Variants in PNPLA7 observed in about 807,000 individuals in gnomAD.
PNPLA7 encodes the protein patatin like domain 7, lysophospholipase.
PNPLA7 carries 153 observed loss-of-function variants against 161.7 expected under a neutral mutation model. The observed-to-expected ratio is 0.95, with a 90% CI of 0.83 to 1.08. The LOEUF (loss-of-function observed/expected upper bound fraction) is 1.08. Among genes scored for constraint, PNPLA7 ranks in the 50% least tolerant of loss-of-function variants. The pLI is 0.00. For synonymous variants in PNPLA7, 809 were observed against 782.1 expected, an observed-to-expected ratio of 1.03 and a Z score of -0.57; for missense variants, 1,739 against 1,856.6, an observed-to-expected ratio of 0.94 and a Z score of 1.16.
At chr9:137,536,646 G>C (rs1835905805) in intron 8 of PNPLA7, among the ~76,000 whole-genome samples, 1 of 152,210 alleles carries the variant, frequency 6.6e-6, no homozygotes, top group African/African-American at 2.4e-5. Flanking sequence ...TTTAACTATA[G>C]TACACTACAT....
chr9:137,471,135 A>C (rs149545583), intron 25 of PNPLA7, among the ~76,000 whole-genome samples: 1 of 152,380 alleles, frequency 6.6e-6, no homozygotes, highest in Non-Finnish European at 1.5e-5. Flanking sequence ...AAGAGAAAAT[A>C]CTGTTTTAAT....
Position 137,480,410 on chromosome 9 carries a change from C to T in PNPLA7, c.2482G>A (p.Ala828Thr). 1 of 1,613,524 alleles carries T rather than the reference C, an allele frequency of 6.2e-7. No homozygotes were observed. The highest frequency in any genetic ancestry group is 1.1e-5 in the South Asian group (1 of 91,068). Reference protein sequence around the residue: ...EDTHRIVLYQADGTLTPWTQR... With the variant: ...EDTHRIVLYQTDGTLTPWTQR... ...GTCCAGGGTGTGAGCGTGCCATCTGCCTGGTAGAGCACGATCCTGTGGGTG... is the reference window on the plus strand; with the variant it reads ...GTCCAGGGTGTGAGCGTGCCATCTGTCTGGTAGAGCACGATCCTGTGGGTG... Residue 828 changes from alanine (A) to threonine (T), a missense_variant, in exon 23 of 35, where the codon GCA (alanine) becomes ACA (threonine). Physicochemically the swap from Ala to Thr is moderately conservative, Grantham distance 58 (BLOSUM62 0). Coordinates refer to ENST00000406427, the MANE Select transcript of PNPLA7 (RefSeq NM_001098537.3).
At chr9:137,466,604 G>A (rs1165464951) in intron 26 of PNPLA7, among the ~76,000 whole-genome samples, 1 of 148,334 alleles carries the variant, frequency 6.7e-6, no homozygotes, top group African/African-American at 2.5e-5. Flanking sequence ...CACCAACTCA[G>A]ACCTGGGCAC....
intron 8 of PNPLA7, among the ~76,000 whole-genome samples, chr9:137,534,998 A>C (rs1835810086): frequency 6.6e-6 from 1 of 152,200 alleles, no homozygotes; most frequent in Admixed American, 6.5e-5. Context: ...TTTGTAAAGG[A>C]AGTTTTTTTT....
intron 12 of PNPLA7, chr9:137,509,387 ATGAGTGAGTTTAGCCGGCG>A (rs1177941115): frequency 1.6e-5 from 3 of 188,304 alleles, no homozygotes; most frequent in Non-Finnish European, 2.3e-5. Context: ...TTTAGCCGGT[ATGAGTGAGTTTAGCCGGCG>A]TGAGTGAGTT....
At chr9:137,463,133 T>C (rs1203580904) in intron 29 of PNPLA7, 10 of 586,812 alleles carry the variant, frequency 1.7e-5, no homozygotes, top group Non-Finnish European at 2.1e-5. Context: ...TGGGGCTTAA[T>C]TGCTCCCAGT....
At chr9:137,515,574 G>T in intron 11 of PNPLA7, 55 bp from the exon 12 acceptor site, 2 of 1,472,680 alleles carry the variant, frequency 1.4e-6, no homozygotes, top group South Asian at 2.8e-5. Flanking sequence ...CTGGTGTCTG[G>T]TGCAGCCCAT....
In PNPLA7 at chr9:137,523,723, T is replaced by G. The variant is rs1417784241; in HGVS notation, c.748-866A>C. 3.3e-5 allele frequency among the ~76,000 whole-genome samples: 5 copies of G among 151,314 alleles called. No individual in the cohort carries two copies. In the East Asian group the frequency reaches 7.8e-4, roughly 24 times the overall value. On this transcript the variant is annotated intron_variant, in intron 8 of 34. Transcript: ENST00000406427. This position sits in a 1 kb window ranked among gnomAD's most constrained non-coding sequence, Gnocchi z 4.4. ...CTCACTGCAAGCTCCGCCTCCCGGG[T>G]TCACACCATTCTCCTGCCTCAGCCT...
intron 25 of PNPLA7, among the ~76,000 whole-genome samples, chr9:137,477,065 A>C (rs1158804546): frequency 2.0e-5 from 3 of 152,104 alleles, no homozygotes; most frequent in Non-Finnish European, 4.4e-5. Flanking sequence ...GAGAGGCCCC[A>C]CCCCAGAAGG....
In PNPLA7 at chr9:137,523,784, G is replaced by A. The variant is rs958577711; in HGVS notation, c.748-927C>T. 3.9e-5 allele frequency among the ~76,000 whole-genome samples: 6 copies of A among 152,050 alleles called. No homozygotes were observed. Among genetic ancestry groups the A allele is most frequent in the Non-Finnish European group, 5.9e-5 (4 of 68,016 alleles). ...TGGGGCTACAAGCGCCCGCCACCAC[G>A]CCCGGCTAATTTGTTTTTTGAATTT... On this transcript the variant is annotated intron_variant, in intron 8 of 34. Coordinates refer to ENST00000406427, the MANE Select transcript of PNPLA7 (RefSeq NM_001098537.3). The surrounding 1 kb of genome is among the most constrained non-coding windows in gnomAD (Gnocchi z 4.4).
At chr9:137,504,289 G>A (rs1479800326) in intron 14 of PNPLA7, among the ~76,000 whole-genome samples, 1 of 152,106 alleles carries the variant, frequency 6.6e-6, no homozygotes, top group Non-Finnish European at 1.5e-5. Context: ...TTGGCTCACT[G>A]CAACATCCGT....
rs768049261 is a variant in PNPLA7, at chr9:137,497,345, C to G, written c.1890-35G>C. On this transcript the variant is annotated intron_variant, in intron 17 of 34. Coordinates refer to ENST00000406427, the MANE Select transcript of PNPLA7 (RefSeq NM_001098537.3). ...ACACAGAGGCCCTGCAGCCCTGGGC[C>G]CCCAGCCTCAGCCTCCACACCCAGC... 3 of 1,484,130 alleles carry G rather than the reference C, an allele frequency of 2.0e-6. No individual in the cohort carries two copies. In the Admixed American group the frequency reaches 6.5e-5, roughly 32 times the overall value. The allele number at this position is 1,484,130 out of a possible 1,614,324, so 91.9% of individuals were successfully genotyped here. A position where few individuals can be genotyped will look rare whatever the true frequency, so the allele number is the denominator to read the frequency against.
intron 14 of PNPLA7, among the ~76,000 whole-genome samples, chr9:137,505,175 G>T (rs1003836282): frequency 9.6e-6 from 1 of 104,512 alleles, no homozygotes; most frequent in Non-Finnish European, 1.7e-5. Context: ...GCGATACTGC[G>T]AGACTCTGTC....
chr9:137,475,361 C>T (rs1025482836), intron 25 of PNPLA7, among the ~76,000 whole-genome samples: 2 of 152,092 alleles, frequency 1.3e-5, no homozygotes, highest in Admixed American at 6.6e-5. Context: ...GGCAACAAAG[C>T]GAGACCTTGT....
Position 137,501,643 on chromosome 9 carries a change from C to T in PNPLA7, c.1551+7G>A, listed in dbSNP as rs368939142. On this transcript the variant is annotated splice_region_variant and intron_variant, in intron 15 of 34. Coordinates refer to ENST00000406427, the MANE Select transcript of PNPLA7 (RefSeq NM_001098537.3). The stretch of plus-strand genomic sequence containing the variant: ...GTCCCAGTGCCCCCCCCCAGACCCC[C>T]GCTCACCTGGTCTCCCTGCCTTGAC... 1,485 of 1,611,582 alleles carry T rather than the reference C, an allele frequency of 9.2e-4. 1 individual carries two copies. The highest frequency in any genetic ancestry group is 1.1e-3 in the Non-Finnish European group (1,349 of 1,179,490).
chr9:137,506,953 A>G (rs1297149732), intron 12 of PNPLA7, among the ~76,000 whole-genome samples: 2 of 152,220 alleles, frequency 1.3e-5, no homozygotes, highest in African/African-American at 4.8e-5. Context: ...AACCGCGCAG[A>G]CACTAACCGC....
chr9:137,484,789 C>A, intron 20 of PNPLA7, 53 bp from the exon 21 acceptor site: 1 of 1,514,148 alleles, frequency 6.6e-7, no homozygotes. Flanking sequence ...CTCACAGATG[C>A]CTCCAGATGC....
rs781341404 is a variant in PNPLA7, at chr9:137,550,225, G to A, written c.-28C>T. 3.1e-6 allele frequency: 5 copies of A among 1,612,900 alleles called. No individual in the cohort carries two copies. The highest frequency in any genetic ancestry group is 4.2e-6 in the Non-Finnish European group (5 of 1,179,876). ...CCAGAAACAGAAAAAACAGTCAGGG[G>A]CGAAAAGCAGACAGCCTGAAGCAAA... On this transcript the variant is annotated 5_prime_UTR_variant, in exon 1 of 35. Transcript: ENST00000406427.
rs1379758183 is a variant in PNPLA7 at position 137,517,902 on chromosome 9, C to T, written c.1084+2015G>A. On this transcript the variant is annotated intron_variant, in intron 11 of 34. Transcript: ENST00000406427. ...CCCACACTCACTCACTCCACTCTGT[C>T]CACTCCATCCCCCGTCACTCACTCC... Among the ~76,000 whole-genome samples, 8 of 71,164 alleles carry T rather than the reference C, an allele frequency of 1.1e-4. 1 individual carries two copies. Among genetic ancestry groups the T allele is most frequent in the African/African-American group, 6.2e-4 (7 of 11,300 alleles). 46.7% of individuals were successfully genotyped at this position (71,164 alleles called of 152,430 possible). A position where few individuals can be genotyped will look rare whatever the true frequency, so the allele number is the denominator to read the frequency against.
Sources: gnomAD v4.1 joint callset for allele counts (sites outside exome capture counted in the v4.1 genomes callset) on GRCh38, gnomAD v4.1.1 for gene constraint, Gnocchi (gnomAD v3.1) non-coding constraint, MANE v1.5 for transcripts, NCBI Gene and HGNC (gene_info 2026-07-23, HGNC 2026-07-21) for gene names.